The following NOL4 variants were observed in gnomAD, a reference collection of about 807,000 sequenced individuals.
The protein encoded by NOL4 is cancer/testis antigen 125.
NOL4 carries 17 observed loss-of-function variants against 75.9 expected under a neutral mutation model. The ratio of observed to expected loss-of-function variants is 0.22; its 90% confidence interval spans 0.15 to 0.34. The LOEUF is 0.34. Among genes scored for constraint, NOL4 ranks in the 10% least tolerant of loss-of-function variants. NOL4 has a pLI of 1.00. For synonymous variants in NOL4, 292 were observed against 289.9 expected, an observed-to-expected ratio of 1.01 and a Z score of -0.07; for missense variants, 614 against 793.5, an observed-to-expected ratio of 0.77 and a Z score of 2.72.
intron 10 of NOL4, among the ~76,000 whole-genome samples, chr18:33,854,898 T>C (rs546365659): frequency 6.6e-6 from 1 of 152,092 alleles, no homozygotes; most frequent in Non-Finnish European, 1.5e-5. Flanking sequence ...AGTTTTTGAA[T>C]TACACCCTAC....
chr18:34,155,176 C>T (rs1054828405), intron 1 of NOL4, among the ~76,000 whole-genome samples: 2 of 150,404 alleles, frequency 1.3e-5, no homozygotes, highest in Non-Finnish European at 3.0e-5. Flanking sequence ...AAAAATGTAA[C>T]ATATATATAT....
chr18:33,971,444 A>C (rs1342916250), intron 6 of NOL4, among the ~76,000 whole-genome samples: 2 of 152,218 alleles, frequency 1.3e-5, no homozygotes, highest in Non-Finnish European at 2.9e-5. Flanking sequence ...AATGAGAAGA[A>C]AAAAAGGACA....
chr18:34,198,542 T>A (rs986795093), intron 1 of NOL4, among the ~76,000 whole-genome samples: 6 of 151,900 alleles, frequency 3.9e-5, no homozygotes, highest in African/African-American at 1.4e-4. Flanking sequence ...GAATTCAAAT[T>A]AAATGTATGA....
intron 5 of NOL4, among the ~76,000 whole-genome samples, chr18:34,028,536 C>T (rs938497699): frequency 2.0e-5 from 3 of 152,206 alleles, no homozygotes; most frequent in African/African-American, 7.2e-5. Flanking sequence ...AGGCGCCTGA[C>T]CAAAGGGCAA....
intron 4 of NOL4, among the ~76,000 whole-genome samples, chr18:34,099,766 C>T (rs549968403): frequency 6.6e-6 from 1 of 152,222 alleles, no homozygotes; most frequent in East Asian, 1.9e-4. Context: ...GGCTAGAATT[C>T]CATGGCTTGT....
At chr18:34,167,292 T>A (rs972941716) in intron 1 of NOL4, among the ~76,000 whole-genome samples, 2 of 151,974 alleles carry the variant, frequency 1.3e-5, no homozygotes, top group Non-Finnish European at 2.9e-5. Flanking sequence ...CGTATAACGT[T>A]CAGTTCACCT....
At chr18:34,034,542 C>G (rs2075794414) in intron 5 of NOL4, among the ~76,000 whole-genome samples, 1 of 152,098 alleles carries the variant, frequency 6.6e-6, no homozygotes. Context: ...AGTTCGAGAC[C>G]AGCCTGGCCA....
intron 5 of NOL4, among the ~76,000 whole-genome samples, chr18:34,077,594 T>C (rs901322311): frequency 6.6e-6 from 1 of 152,044 alleles, no homozygotes; most frequent in East Asian, 1.9e-4. Context: ...AAACACAACA[T>C]GCAAGGACAA....
chr18:34,059,096 T>C (rs1406080563), intron 5 of NOL4, among the ~76,000 whole-genome samples: 3 of 141,900 alleles, frequency 2.1e-5, no homozygotes, highest in African/African-American at 5.1e-5. Flanking sequence ...AAATCACACA[T>C]ATATATAGAG....
intron 1 of NOL4, among the ~76,000 whole-genome samples, chr18:34,163,645 C>T (rs188193582): frequency 6.4e-4 from 97 of 152,122 alleles, no homozygotes; most frequent in Admixed American, 1.8e-3. Flanking sequence ...GAATCAATAC[C>T]GTGAAAATGG....
At chr18:33,888,905 CA>C (rs1052830037) in intron 9 of NOL4, among the ~76,000 whole-genome samples, 1 of 151,902 alleles carries the variant, frequency 6.6e-6, no homozygotes, top group African/African-American at 2.4e-5. Context: ...TAAATGCCCA[CA>C]AGACAAAGTA....
intron 1 of NOL4, among the ~76,000 whole-genome samples, chr18:34,190,648 A>G (rs2034846496): frequency 1.3e-5 from 2 of 151,840 alleles, no homozygotes; most frequent in African/African-American, 4.8e-5. Flanking sequence ...TCAAAGGAAG[A>G]GTACAAAGAC....
intron 5 of NOL4, among the ~76,000 whole-genome samples, chr18:34,032,422 C>T (rs898981514): frequency 1.3e-5 from 2 of 152,114 alleles, no homozygotes; most frequent in South Asian, 4.1e-4. Context: ...TTCTCCCATC[C>T]CAGAGCACAG....
intron 1 of NOL4, among the ~76,000 whole-genome samples, chr18:34,138,638 T>C (rs1054056429): frequency 1.3e-5 from 2 of 152,158 alleles, no homozygotes; most frequent in Non-Finnish European, 2.9e-5. Flanking sequence ...ACAATTTGAC[T>C]TCCTCTTTTC....
rs892337690 is a variant in NOL4 at position 33,852,806 on chromosome 18, A to T, written c.*36T>A. On this transcript the variant is annotated 3_prime_UTR_variant, in exon 11 of 11. Transcript: ENST00000261592. ...TCAAAATGTCATTAGTGGAAACTGCAAATTTAGACCTCAGTGAATATGGTG... is the reference window on the plus strand; with the variant it reads ...TCAAAATGTCATTAGTGGAAACTGCTAATTTAGACCTCAGTGAATATGGTG... 1 of 1,574,800 alleles carries T rather than the reference A, an allele frequency of 6.4e-7. No individual in the cohort carries two copies. Among genetic ancestry groups the T allele is most frequent in the Non-Finnish European group, 8.6e-7 (1 of 1,156,618 alleles).
intron 5 of NOL4, among the ~76,000 whole-genome samples, chr18:34,024,194 A>AAAAAAAT: frequency 2.8e-5 from 2 of 70,680 alleles, no homozygotes; most frequent in African/African-American, 1.1e-4. Context: ...AAAAAAAAAA[A>AAAAAAAT]ATATATATAT....
chr18:34,185,126 A>G (rs2034355328), intron 1 of NOL4, among the ~76,000 whole-genome samples: 1 of 152,078 alleles, frequency 6.6e-6, no homozygotes, highest in Non-Finnish European at 1.5e-5. Flanking sequence ...GCCTCCTTAC[A>G]CTAGATTCCC....
intron 4 of NOL4, among the ~76,000 whole-genome samples, chr18:34,095,380 A>G (rs780045738): frequency 1.3e-5 from 2 of 152,056 alleles, no homozygotes; most frequent in Non-Finnish European, 2.9e-5. Flanking sequence ...ACATACATAT[A>G]TATATACACA....
At chr18:33,890,351 A>T (rs1400046425) in intron 9 of NOL4, among the ~76,000 whole-genome samples, 3 of 152,146 alleles carry the variant, frequency 2.0e-5, no homozygotes, top group Non-Finnish European at 2.9e-5. Context: ...AGAACTGCAA[A>T]CCACTACTCA....
Sources: gnomAD v4.1 joint callset for allele counts (sites outside exome capture counted in the v4.1 genomes callset) on GRCh38, gnomAD v4.1.1 for gene constraint, MANE v1.5 for transcripts, NCBI Gene and HGNC (gene_info 2026-07-23, HGNC 2026-07-21) for gene names.